Variants in NOL4 observed in about 807,000 individuals in gnomAD.
The protein encoded by NOL4 is nucleolar protein 4, also known as cancer/testis antigen 125.
A neutral mutation model predicts 75.9 loss-of-function variants in NOL4; 17 were observed. The ratio of observed to expected loss-of-function variants is 0.22; its 90% CI spans 0.15 to 0.34. NOL4 has a LOEUF of 0.34. NOL4 is among the 10% of genes least tolerant of loss of function. The probability of loss-of-function intolerance (pLI) is 1.00; values close to 1 mark genes in which losing one functional copy is unlikely to be tolerated. For missense variants in NOL4, 614 were observed against 793.5 expected (o/e 0.77, Z 2.72); for synonymous variants, 292 against 289.9 (o/e 1.01, Z -0.07).
intron 1 of NOL4, among the ~76,000 whole-genome samples, chr18:34,147,541 C>T (rs2081455680): frequency 6.6e-6 from 1 of 152,082 alleles, no homozygotes; most frequent in African/African-American, 2.4e-5. Flanking sequence ...TATGTTGAAC[C>T]AGCCTTGCAT....
intron 1 of NOL4, among the ~76,000 whole-genome samples, chr18:34,167,789 G>A (rs2032569719): frequency 6.6e-6 from 1 of 152,062 alleles, no homozygotes; most frequent in Non-Finnish European, 1.5e-5. Flanking sequence ...CTGAGGACTG[G>A]AGGGAGTAGG....
rs893303165 is a variant in NOL4 at position 34,101,762 on chromosome 18, GT to G, written c.639+2284del. Reference sequence around the variant, plus strand: ...CCTTCTACTGGTGTCCCTGCATCCAGTTTTTTTTTCCTCTTCAATCTATTCT... The same window carrying G: ...CCTTCTACTGGTGTCCCTGCATCCAGTTTTTTTTCCTCTTCAATCTATTCT... On this transcript the variant is annotated intron_variant, in intron 4 of 10. Coordinates refer to ENST00000261592, the MANE Select transcript of NOL4 (RefSeq NM_003787.5). Among the ~76,000 whole-genome samples, 6 of 151,190 alleles carry G rather than the reference GT, an allele frequency of 4.0e-5. No homozygotes were observed. The East Asian group carries it at 5.8e-4, about 15-fold the overall frequency.
At chr18:34,037,300 C>T (rs1433395749) in intron 5 of NOL4, among the ~76,000 whole-genome samples, 2 of 152,138 alleles carry the variant, frequency 1.3e-5, no homozygotes, top group Non-Finnish European at 2.9e-5. Flanking sequence ...ATATCCCATG[C>T]TCATGAAAAG....
chr18:33,942,673 A>C (rs1037457704), intron 9 of NOL4, among the ~76,000 whole-genome samples: 2 of 151,892 alleles, frequency 1.3e-5, no homozygotes, highest in South Asian at 4.1e-4. Flanking sequence ...GTAGTAGGCC[A>C]GAGGAAATTA....
intron 9 of NOL4, among the ~76,000 whole-genome samples, chr18:33,885,643 T>C (rs2064592935): frequency 6.6e-6 from 1 of 152,086 alleles, no homozygotes; most frequent in Non-Finnish European, 1.5e-5. Flanking sequence ...CCAGTTAAAA[T>C]GACTTATATC....
chr18:33,867,672 AC>A (rs1187042719), intron 10 of NOL4, among the ~76,000 whole-genome samples: 2 of 151,676 alleles, frequency 1.3e-5, no homozygotes, highest in Non-Finnish European at 2.9e-5. Flanking sequence ...ACACACACAC[AC>A]ACACACAATT....
intron 1 of NOL4, among the ~76,000 whole-genome samples, chr18:34,216,334 C>T (rs1440902921): frequency 6.6e-6 from 1 of 152,024 alleles, no homozygotes; most frequent in Non-Finnish European, 1.5e-5. Context: ...AAGTAAAATA[C>T]AGAATCTGCA....
chr18:34,031,185 C>T (rs1449338576), intron 5 of NOL4, among the ~76,000 whole-genome samples: 1 of 152,178 alleles, frequency 6.6e-6, no homozygotes, highest in Non-Finnish European at 1.5e-5. Context: ...AGGACTCAAG[C>T]TCTGAGAGAA....
At position 34,070,404 on chromosome 18, in the gene NOL4, A is replaced by G. The variant is rs559868638; in HGVS notation, c.772+23061T>C. 9.9e-5 allele frequency among the ~76,000 whole-genome samples: 15 copies of G among 151,874 alleles called. No homozygotes were observed. The South Asian group carries it at 2.9e-3, about 30-fold the overall frequency. ...ACAAATGAAAACGTGATGGTGGCTG[A>G]CTCCCTTGTTATACCAAGCCCTGAA... On this transcript the variant is annotated intron_variant, in intron 5 of 10. Transcript: ENST00000261592.
chr18:34,063,423 G>A (rs2077144070), intron 5 of NOL4, among the ~76,000 whole-genome samples: 1 of 151,888 alleles, frequency 6.6e-6, no homozygotes, highest in East Asian at 1.9e-4. Context: ...CCTTCCATTT[G>A]CACTCCATCT....
intron 2 of NOL4, among the ~76,000 whole-genome samples, chr18:34,124,946 A>T (rs1396205832): frequency 2.6e-5 from 4 of 151,570 alleles, no homozygotes; most frequent in Non-Finnish European, 2.9e-5. Context: ...GCTAACTGGG[A>T]GGTCAATAGA....
chr18:34,178,647 A>C (rs1439593142), intron 1 of NOL4, among the ~76,000 whole-genome samples: 2 of 151,730 alleles, frequency 1.3e-5, no homozygotes, highest in Non-Finnish European at 3.0e-5. Flanking sequence ...CAAGCCATCA[A>C]GAATATATGA....
At chr18:34,021,754 T>C (rs1026834121) in intron 5 of NOL4, among the ~76,000 whole-genome samples, 1 of 152,072 alleles carries the variant, frequency 6.6e-6, no homozygotes, top group African/African-American at 2.4e-5. Flanking sequence ...ATCGTGAGAA[T>C]AGAACTGGTA....
chr18:34,138,541 G>T (rs540648452), intron 1 of NOL4, among the ~76,000 whole-genome samples: 33 of 152,266 alleles, frequency 2.2e-4, no homozygotes, highest in Middle Eastern at 3.4e-3. Flanking sequence ...GAGGATGGTG[G>T]TTCTACAACG....
intron 5 of NOL4, among the ~76,000 whole-genome samples, chr18:34,064,918 A>AACACACACAC (rs66465203): frequency 8.6e-4 from 82 of 95,560 alleles, no homozygotes; most frequent in African/African-American, 2.5e-3. Flanking sequence ...GGTATTTTTT[A>AACACACACAC]ACACACACAC....
intron 10 of NOL4, among the ~76,000 whole-genome samples, chr18:33,881,442 C>A (rs1413003267): frequency 6.6e-6 from 1 of 151,212 alleles, no homozygotes. Context: ...CTGTCTTGTG[C>A]CAGTTTTCAA....
chr18:33,852,841 C>A lies in NOL4; in HGVS notation c.*1G>T. 6.2e-7 allele frequency: 1 copy of A among 1,610,300 alleles called. No individual in the cohort carries two copies. Among genetic ancestry groups the A allele is most frequent in the East Asian group, 2.2e-5 (1 of 44,786 alleles). ...CTCAGTGAATATGGTGGTCGTCTGTCTCAGTTCTGTTGTAAAATGAGATTT... is the reference window on the plus strand; with the variant it reads ...CTCAGTGAATATGGTGGTCGTCTGTATCAGTTCTGTTGTAAAATGAGATTT... On this transcript the variant is annotated 3_prime_UTR_variant, in exon 11 of 11. Coordinates refer to ENST00000261592, the MANE Select transcript of NOL4 (RefSeq NM_003787.5).
chr18:33,970,749 G>C (rs1050035540), intron 6 of NOL4, among the ~76,000 whole-genome samples: 1 of 151,716 alleles, frequency 6.6e-6, no homozygotes, highest in African/African-American at 2.4e-5. Context: ...GTGTGTGTGT[G>C]TGTATGTGTA....
At chr18:33,920,000 T>C (rs1156274134) in intron 9 of NOL4, among the ~76,000 whole-genome samples, 1 of 152,200 alleles carries the variant, frequency 6.6e-6, no homozygotes, top group Non-Finnish European at 1.5e-5. Flanking sequence ...GAAAGAGCAA[T>C]CATGTACCTA....
Sources: gnomAD v4.1 joint callset for allele counts (sites outside exome capture counted in the v4.1 genomes callset) on GRCh38, gnomAD v4.1.1 for gene constraint, MANE v1.5 for transcripts, NCBI Gene and HGNC (gene_info 2026-07-23, HGNC 2026-07-21) for gene names.